Variants in LRRC37A2 observed in about 807,000 individuals in gnomAD.
LRRC37A2 encodes the protein leucine-rich repeat-containing protein 37A2.
A neutral mutation model predicts 68.8 loss-of-function variants in LRRC37A2; 9 were observed. The ratio of observed to expected loss-of-function variants is 0.13; its 90% confidence interval spans 0.08 to 0.23. The LOEUF (loss-of-function observed/expected upper bound fraction) is 0.23, where lower values mean the gene tolerates loss of function less well. Among genes scored for constraint, LRRC37A2 ranks in the 10% least tolerant of loss-of-function variants. The pLI is 1.00. For synonymous variants in LRRC37A2, 63 were observed against 367.6 expected (o/e 0.17, Z 9.48); for missense variants, 168 against 950.4 (o/e 0.18, Z 10.82).
intron 6 of LRRC37A2, among the ~76,000 whole-genome samples, chr17:46,532,367 G>C (rs1229862561): frequency 1.3e-5 from 2 of 150,248 alleles, no homozygotes; most frequent in African/African-American, 5.0e-5. Flanking sequence ...AAGAAATACT[G>C]GTCTGTAATT....
the LRRC37A2 span, among the ~76,000 whole-genome samples, chr17:47,016,098 CCA>C: frequency 6.6e-6 from 1 of 152,124 alleles, no homozygotes; most frequent in African/African-American, 2.4e-5. Flanking sequence ...GTATGCACCA[CCA>C]CACATGGCTA....
the LRRC37A2 span, chr17:46,923,858 GA>G: frequency 5.0e-6 from 2 of 398,606 alleles, no homozygotes; most frequent in African/African-American, 4.1e-5. Flanking sequence ...GAATTGCTGA[GA>G]TACGTAGTTG....
At chr17:46,816,516 C>T in the LRRC37A2 span, among the ~76,000 whole-genome samples, 1 of 144,904 alleles carries the variant, frequency 6.9e-6, no homozygotes. Flanking sequence ...CACACACACA[C>T]CTCTCTCCTT....
At chr17:46,939,362 G>A in the LRRC37A2 span, 11 of 1,002,066 alleles carry the variant, frequency 1.1e-5, no homozygotes, top group African/African-American at 1.7e-5. Context: ...TGCTATTGCC[G>A]ATAACAAGTA....
the LRRC37A2 span, chr17:47,010,778 A>G: frequency 6.6e-6 from 1 of 152,218 alleles, no homozygotes; most frequent in South Asian, 2.1e-4. Context: ...GAAGTAGGCT[A>G]TGAAAGGGGG....
chr17:46,840,019 CTTTCTTTCTTTCT>C, the LRRC37A2 span, among the ~76,000 whole-genome samples: 1 of 113,522 alleles, frequency 8.8e-6, no homozygotes. Context: ...TTCTTTCTTT[CTTTCTTTCTTTCT>C]TTTCTTTCTT....
the LRRC37A2 span, chr17:46,755,178 A>G: frequency 3.0e-6 from 2 of 663,340 alleles, no homozygotes; most frequent in Admixed American, 4.7e-5. Flanking sequence ...AATGCTGGTC[A>G]AGGAGCAGGT....
chr17:46,935,102 T>A, the LRRC37A2 span: 1 of 1,613,608 alleles, frequency 6.2e-7, no homozygotes, highest in African/African-American at 1.3e-5. Flanking sequence ...CACAACGGCA[T>A]GGATGACCTC....
At chr17:46,784,537 G>A in the LRRC37A2 span, among the ~76,000 whole-genome samples, 1 of 152,152 alleles carries the variant, frequency 6.6e-6, no homozygotes, top group Non-Finnish European at 1.5e-5. Context: ...CAGGGAGGGG[G>A]CTGGGGGCCA....
the LRRC37A2 span, chr17:46,755,326 T>C: frequency 1.9e-6 from 3 of 1,613,490 alleles, no homozygotes; most frequent in South Asian, 2.2e-5. Context: ...GGATCCTGAA[T>C]ACCGTGTGAG....
chr17:47,000,177 G>A, the LRRC37A2 span, among the ~76,000 whole-genome samples: 1,049 of 149,044 alleles, frequency 7.0e-3, 6 homozygotes, highest in Non-Finnish European at 0.01. Context: ...CAGAGTGTTC[G>A]GCATCATGCC....
chr17:46,718,305 C>G, the LRRC37A2 span, among the ~76,000 whole-genome samples: 1 of 152,086 alleles, frequency 6.6e-6, no homozygotes, highest in Non-Finnish European at 1.5e-5. Flanking sequence ...CATGCCGGGC[C>G]AGCCCCACCT....
At chr17:46,983,352 G>A in the LRRC37A2 span, among the ~76,000 whole-genome samples, 6 of 145,636 alleles carry the variant, frequency 4.1e-5, no homozygotes, top group East Asian at 4.1e-4. Context: ...GCTGGAGTGC[G>A]GTGGCATGAT....
At chr17:46,768,646 T>G in the LRRC37A2 span, 1 of 1,614,100 alleles carries the variant, frequency 6.2e-7, no homozygotes, top group East Asian at 2.2e-5. This position sits in a 1 kb window ranked among gnomAD's most constrained non-coding sequence, Gnocchi z 5.0. Context: ...TCACGGTGCT[T>G]CTCTACTACC....
At chr17:46,875,941 G>A in the LRRC37A2 span, among the ~76,000 whole-genome samples, 2 of 152,192 alleles carry the variant, frequency 1.3e-5, no homozygotes, top group South Asian at 2.1e-4. Context: ...GTTGTGAACC[G>A]GGGCTGCTGT....
chr17:47,000,901 G>A, the LRRC37A2 span, among the ~76,000 whole-genome samples: 3 of 152,126 alleles, frequency 2.0e-5, no homozygotes, highest in Non-Finnish European at 2.9e-5. Flanking sequence ...ACTTTAGGAG[G>A]TTGAGGCGGG....
At chr17:46,534,568 A>G (rs1198339711) in intron 6 of LRRC37A2, among the ~76,000 whole-genome samples, 1 of 147,650 alleles carries the variant, frequency 6.8e-6, no homozygotes, top group Non-Finnish European at 1.5e-5. Flanking sequence ...TTAGTACAGA[A>G]CAAAATGGAG....
the LRRC37A2 span, among the ~76,000 whole-genome samples, chr17:46,799,788 T>C: frequency 6.6e-6 from 1 of 152,132 alleles, no homozygotes; most frequent in Admixed American, 6.5e-5. Context: ...ACAACTACCT[T>C]GAGATCATAT....
the LRRC37A2 span, chr17:46,818,901 A>C: frequency 2.2e-6 from 1 of 450,784 alleles, no homozygotes; most frequent in East Asian, 4.1e-5. Context: ...TCGCCCAGCA[A>C]ACTTGGGCAA....
Sources: gnomAD v4.1 joint callset for allele counts (sites outside exome capture counted in the v4.1 genomes callset) on GRCh38, gnomAD v4.1.1 for gene constraint, Gnocchi (gnomAD v3.1) non-coding constraint, MANE v1.5 for transcripts, NCBI Gene and HGNC (gene_info 2026-07-23, HGNC 2026-07-21) for gene names.